The following SQSTM1 variants were observed in gnomAD, a reference collection of about 807,000 sequenced individuals.
The protein encoded by SQSTM1 is sequestosome-1.
In SQSTM1, 36 loss-of-function variants were observed where a neutral mutation model predicts 45.1. That is an observed-to-expected ratio of 0.80 (90% CI 0.61 to 1.05). The LOEUF (loss-of-function observed/expected upper bound fraction) is 1.05, where lower values mean the gene tolerates loss of function less well. SQSTM1 is among the 50% of genes least tolerant of loss of function. The pLI is 0.00. For missense variants in SQSTM1, 617 were observed against 607.1 expected, an observed-to-expected ratio of 1.02 and a Z score of -0.17; for synonymous variants, 290 against 244.3, an observed-to-expected ratio of 1.19 and a Z score of -1.74.
upstream of SQSTM1, chr5:179,820,731 C>T (rs1490996424): frequency 2.0e-6 from 1 of 490,096 alleles, no homozygotes; most frequent in Non-Finnish European, 3.5e-6. Flanking sequence ...GGCCGGGAGA[C>T]CTGGAGCGAG....
At position 179,837,091 on chromosome 5, in the gene SQSTM1, G is replaced by A; in HGVS notation, c.*498G>A. The A allele has an allele frequency of 1.1e-6, 1 of 879,210 alleles. No individual in the cohort carries two copies. Among genetic ancestry groups the A allele is most frequent in the Non-Finnish European group, 1.8e-6 (1 of 550,880 alleles). 54.5% of individuals were successfully genotyped at this position (879,210 alleles called of 1,614,324 possible). On this transcript the variant is annotated 3_prime_UTR_variant, in exon 8 of 8. Transcript: ENST00000389805. ...TGCTGGGACTGAGAAGGCTCACGAA[G>A]GGCATCCGCAATGTTGGTTTCACTG...
chr5:179,833,792 C>T lies in SQSTM1; in HGVS notation c.1165+10C>T, dbSNP rs201108620. 9.3e-6 allele frequency: 15 copies of T among 1,613,870 alleles called. No individual in the cohort carries two copies. The highest frequency in any genetic ancestry group is 5.5e-5 in the South Asian group (5 of 91,074). On this transcript the variant is annotated intron_variant, in intron 7 of 7. Coordinates refer to ENST00000389805, the MANE Select transcript of SQSTM1 (RefSeq NM_003900.5). ...CCACATCTCCCGCCAGGCAAGTGAA[C>T]CAAGAGGTTTTGTACATATTCCTAC...
At position 179,825,179 on chromosome 5, in the gene SQSTM1, T is replaced by G. The variant is rs940620294; in HGVS notation, c.707T>G (p.Phe236Cys). The change falls in exon 5 of 8, where the codon TTC (phenylalanine) becomes TGC (cysteine). Residue 236 changes from phenylalanine to cysteine, a missense_variant. Transcript: ENST00000389805. ...SGPSEDPSVN[F>C]LKNVGESVAA... ...CCATCGGAGGATCCGAGTGTGAATT[T>G]CCTGAAGAACGTTGGGGAGAGTGTG... 1.2e-6 allele frequency: 2 copies of G among 1,614,014 alleles called. No individual in the cohort carries two copies. Among genetic ancestry groups the G allele is most frequent in the African/African-American group, 2.7e-5 (2 of 74,938 alleles).
At position 179,833,794 on chromosome 5, in the gene SQSTM1, A is replaced by G. The variant is rs1758363080; in HGVS notation, c.1165+12A>G. On this transcript the variant is annotated intron_variant, in intron 7 of 7. Coordinates refer to ENST00000389805, the MANE Select transcript of SQSTM1 (RefSeq NM_003900.5). ...ACATCTCCCGCCAGGCAAGTGAACC[A>G]AGAGGTTTTGTACATATTCCTACCT... 1.2e-6 allele frequency: 2 copies of G among 1,613,762 alleles called. No homozygotes were observed. The highest frequency in any genetic ancestry group is 2.7e-5 in the African/African-American group (2 of 74,900).
At chr5:179,822,179 AAATAGAATCAGAC>A (rs1284961777) in intron 1 of SQSTM1, among the ~76,000 whole-genome samples, 2 of 152,088 alleles carry the variant, frequency 1.3e-5, no homozygotes, top group Non-Finnish European at 2.9e-5. Flanking sequence ...CATTTCATGT[AAATAGAATCAGAC>A]AATGTAGTCT....
chr5:179,814,525 A>G (rs1251527506), upstream of SQSTM1, among the ~76,000 whole-genome samples: 1 of 152,234 alleles, frequency 6.6e-6, no homozygotes, highest in Non-Finnish European at 1.5e-5. Flanking sequence ...TCAAAGCTGT[A>G]TACCCTTCAA....
At chr5:179,832,250 G>A (rs999631678) in intron 5 of SQSTM1, among the ~76,000 whole-genome samples, 15 of 152,242 alleles carry the variant, frequency 9.9e-5, no homozygotes, top group Non-Finnish European at 1.5e-4. Context: ...TGGGGGCAGG[G>A]AGTGTGCACC....
At chr5:179,820,881 A>T (rs1352529919), upstream of SQSTM1, 1 of 1,415,188 alleles carries the variant, frequency 7.1e-7, no homozygotes, top group Non-Finnish European at 9.3e-7. Context: ...TCGCTACAAA[A>T]GCCGCGCGGC....
intron 7 of SQSTM1, chr5:179,835,309 C>T (rs1034926658): frequency 3.2e-4 from 56 of 175,834 alleles, no homozygotes; most frequent in Non-Finnish European, 5.6e-4. Flanking sequence ...GCTGCAATCT[C>T]GGCACTTTGG....
chr5:179,823,105 T>C (rs771002776), intron 2 of SQSTM1, 52 bp downstream of exon 2: 1 of 1,517,822 alleles, frequency 6.6e-7, no homozygotes, highest in Non-Finnish European at 9.1e-7. Flanking sequence ...TGTACTCAGT[T>C]CCCTGCTGAG....
At chr5:179,809,939 C>T (rs564236652) in intron 1 of SQSTM1, among the ~76,000 whole-genome samples, 2 of 151,212 alleles carry the variant, frequency 1.3e-5, no homozygotes, top group South Asian at 2.1e-4. Context: ...CCACCGGCGG[C>T]GCCCAGCCTA....
chr5:179,820,825 G>A (rs996715222), upstream of SQSTM1: 53 of 1,062,396 alleles, frequency 5.0e-5, no homozygotes, highest in Non-Finnish European at 5.9e-5. Flanking sequence ...GGCGGGGAGG[G>A]CGCGAGAGAC....
intron 5 of SQSTM1, among the ~76,000 whole-genome samples, chr5:179,826,704 G>A (rs11949677): frequency 0.017 from 2,602 of 151,286 alleles, 95 homozygotes; most frequent in African/African-American, 0.061. Context: ...AGGTTCAAGC[G>A]ATTCTCCTGC....
intron 1 of SQSTM1, among the ~76,000 whole-genome samples, chr5:179,810,342 C>T (rs1757360068): frequency 6.6e-6 from 1 of 152,032 alleles, no homozygotes; most frequent in Non-Finnish European, 1.5e-5. Context: ...TTGTTCAATT[C>T]CCACCTATGA....
chr5:179,833,057 G>A lies in SQSTM1; in HGVS notation c.780G>A (p.Glu260=). 1 of 1,614,200 alleles carries A rather than the reference G, an allele frequency of 6.2e-7. No homozygotes were observed. Among genetic ancestry groups the A allele is most frequent in the South Asian group, 1.1e-5 (1 of 91,088 alleles). ...GCATTGAAGTTGATATCGATGTGGA[G>A]CACGGAGGGAAAAGAAGCCGCCTGA... ...PLGIEVDIDV[E]HGGKRSRLTP... Residue 260 remains glutamate (E), a synonymous_variant, in exon 6 of 8, where the codon GAG becomes GAA. Coordinates refer to ENST00000389805, the MANE Select transcript of SQSTM1 (RefSeq NM_003900.5).
Position 179,837,577 on chromosome 5 carries a change from A to T in SQSTM1, c.*984A>T, listed in dbSNP as rs1758651723. On this transcript the variant is annotated 3_prime_UTR_variant, in exon 8 of 8. Transcript: ENST00000389805. ...GGTGTGTGGCCCGAGGAAGCTGGACAGCGGCAGTGGGCCTGCTGAGGCCTT... is the reference window on the plus strand; with the variant it reads ...GGTGTGTGGCCCGAGGAAGCTGGACTGCGGCAGTGGGCCTGCTGAGGCCTT... 6.2e-7 allele frequency: 1 copy of T among 1,614,222 alleles called. No homozygotes were observed.
At position 179,836,506 on chromosome 5, in the gene SQSTM1, G is replaced by A; in HGVS notation, c.1236G>A (p.Trp412Ter). The A allele has an allele frequency of 6.2e-7, 1 of 1,614,200 alleles. No individual in the cohort carries two copies. Among genetic ancestry groups the A allele is most frequent in the Non-Finnish European group, 8.5e-7 (1 of 1,180,030 alleles). Residue 412 changes from tryptophan to a stop codon, truncating the protein, a stop_gained, in exon 8 of 8, where the codon TGG becomes TGA. Transcript: ENST00000389805. LOFTEE classifies it high-confidence loss of function. Reference sequence around the variant, plus strand: ...TGGGCTTCTCTGATGAAGGCGGCTGGCTCACCAGGCTCCTGCAGACCAAGA... The same window carrying A: ...TGGGCTTCTCTGATGAAGGCGGCTGACTCACCAGGCTCCTGCAGACCAAGA... ...LSMGFSDEGG[W>*]LTRLLQTKNY... is the part of the protein sequence containing the mutation.
At chr5:179,820,052 T>C (rs1757716266), upstream of SQSTM1, 1 of 152,842 alleles carries the variant, frequency 6.5e-6, no homozygotes, top group African/African-American at 2.4e-5. Flanking sequence ...TTGCCCCAGT[T>C]CTGGCGGACA....
chr5:179,827,876 C>T (rs1297594118), intron 5 of SQSTM1, among the ~76,000 whole-genome samples: 6 of 152,172 alleles, frequency 3.9e-5, no homozygotes, highest in African/African-American at 1.4e-4. Context: ...AGCTGCCTCC[C>T]GGTGGCAGTG....
Sources: gnomAD v4.1 joint callset for allele counts (sites outside exome capture counted in the v4.1 genomes callset) on GRCh38, gnomAD v4.1.1 for gene constraint, MANE v1.5 for transcripts, NCBI Gene and HGNC (gene_info 2026-07-23, HGNC 2026-07-21) for gene names.